Variants in VWC2L observed in about 807,000 individuals in gnomAD.
The protein encoded by VWC2L is von Willebrand factor C domain containing 2 like.
A neutral mutation model predicts 21.6 loss-of-function variants in VWC2L; 10 were observed. That is an observed-to-expected ratio of 0.46 (90% CI 0.29 to 0.78). The LOEUF (loss-of-function observed/expected upper bound fraction) is 0.78, where lower values mean the gene tolerates loss of function less well. Among genes scored for constraint, VWC2L ranks in the 30% least tolerant of loss-of-function variants. VWC2L has a pLI of 0.10. For missense variants in VWC2L, 209 were observed against 277.1 expected, an observed-to-expected ratio of 0.75 and a Z score of 1.74; for synonymous variants, 96 against 94.3, an observed-to-expected ratio of 1.02 and a Z score of -0.10.
chr2:214,434,596 T>C (rs779098040), intron 2 of VWC2L, among the ~76,000 whole-genome samples: 4 of 152,168 alleles, frequency 2.6e-5, no homozygotes, highest in South Asian at 2.1e-4. Context: ...GGGAAAGTTA[T>C]TAAACCTTTC....
At chr2:214,500,228 A>G (rs1187865215) in intron 3 of VWC2L, among the ~76,000 whole-genome samples, 1 of 152,202 alleles carries the variant, frequency 6.6e-6, no homozygotes, top group Admixed American at 6.5e-5. Flanking sequence ...ACATACTATT[A>G]TTTTTCTGCT....
intron 2 of VWC2L, among the ~76,000 whole-genome samples, chr2:214,419,471 A>G (rs562123518): frequency 6.6e-6 from 1 of 152,312 alleles, no homozygotes; most frequent in East Asian, 1.9e-4. Context: ...ATTTCCTTAT[A>G]CTTTAGAACT....
chr2:214,504,004 C>G (rs780044990), intron 3 of VWC2L, among the ~76,000 whole-genome samples: 1 of 152,114 alleles, frequency 6.6e-6, no homozygotes, highest in Non-Finnish European at 1.5e-5. Context: ...TATTTAGACA[C>G]TGGCTAAAAC....
intron 3 of VWC2L, among the ~76,000 whole-genome samples, chr2:214,459,750 G>A (rs145967729): frequency 3.3e-5 from 5 of 151,908 alleles, no homozygotes; most frequent in African/African-American, 1.2e-4. Flanking sequence ...TTCATTGCTA[G>A]TTTTTTTTCC....
chr2:214,546,614 A>G (rs1052560512), intron 3 of VWC2L, among the ~76,000 whole-genome samples: 14 of 152,232 alleles, frequency 9.2e-5, no homozygotes, highest in Admixed American at 4.6e-4. Flanking sequence ...GACAGAAAAC[A>G]CATGTATTGT....
chr2:214,438,624 CCTACA>C (rs1413063810), intron 3 of VWC2L, among the ~76,000 whole-genome samples: 2 of 152,096 alleles, frequency 1.3e-5, no homozygotes, highest in Admixed American at 6.6e-5. Flanking sequence ...TTCTAGCGAC[CCTACA>C]CTAAAGCCCA....
At chr2:214,539,562 C>G (rs1289648198) in intron 3 of VWC2L, among the ~76,000 whole-genome samples, 1 of 152,120 alleles carries the variant, frequency 6.6e-6, no homozygotes, top group Non-Finnish European at 1.5e-5. Context: ...CCGTACTTAT[C>G]CAGAAACTTT....
At chr2:214,465,206 C>A (rs923653048) in intron 3 of VWC2L, among the ~76,000 whole-genome samples, 3 of 152,172 alleles carry the variant, frequency 2.0e-5, no homozygotes, top group Non-Finnish European at 2.9e-5. Flanking sequence ...GAAGGAGTAT[C>A]TCCCCATGGT....
chr2:214,512,379 G>C (rs1401841050), intron 3 of VWC2L, among the ~76,000 whole-genome samples: 6 of 152,014 alleles, frequency 3.9e-5, no homozygotes, highest in Non-Finnish European at 8.8e-5. Context: ...TATAGAGGGG[G>C]ACAACACACA....
intron 2 of VWC2L, among the ~76,000 whole-genome samples, chr2:214,417,764 G>A (rs977927557): frequency 2.0e-5 from 3 of 151,984 alleles, no homozygotes; most frequent in Non-Finnish European, 2.9e-5. Context: ...AATAAAATGC[G>A]GATTGTTCTG....
At chr2:214,467,486 A>T (rs116332330) in intron 3 of VWC2L, among the ~76,000 whole-genome samples, 295 of 152,312 alleles carry the variant, frequency 1.9e-3, no homozygotes, top group African/African-American at 6.8e-3. Flanking sequence ...AGGGGCAATC[A>T]TAGGGCTCCA....
intron 3 of VWC2L, among the ~76,000 whole-genome samples, chr2:214,471,044 C>T (rs2126192837): frequency 6.6e-6 from 1 of 151,132 alleles, no homozygotes; most frequent in South Asian, 2.1e-4. Flanking sequence ...TACCTTTTTT[C>T]CCCATGAGTT....
intron 3 of VWC2L, among the ~76,000 whole-genome samples, chr2:214,452,862 T>C (rs888166247): frequency 2.0e-5 from 3 of 152,228 alleles, no homozygotes; most frequent in East Asian, 1.9e-4. Context: ...TTTCATATGA[T>C]ATGTTTCCAC....
intron 3 of VWC2L, among the ~76,000 whole-genome samples, chr2:214,456,159 A>C (rs553150273): frequency 6.6e-6 from 1 of 152,110 alleles, no homozygotes; most frequent in African/African-American, 2.4e-5. Context: ...TCCCATTAAC[A>C]GTGTATAAGC....
intron 3 of VWC2L, among the ~76,000 whole-genome samples, chr2:214,530,540 T>G (rs954198037): frequency 6.6e-6 from 1 of 152,134 alleles, no homozygotes; most frequent in African/African-American, 2.4e-5. Flanking sequence ...TAGGCAGACA[T>G]AGACCCCAAT....
chr2:214,491,614 G>T (rs1688746557), intron 3 of VWC2L, among the ~76,000 whole-genome samples: 1 of 152,158 alleles, frequency 6.6e-6, no homozygotes, highest in Non-Finnish European at 1.5e-5. Context: ...GCAAGGTGAA[G>T]TAACTTCCCC....
rs1702267109 is a variant in VWC2L, at chr2:214,411,397, T to C, written c.-470T>C. 2 of 152,204 alleles carry C rather than the reference T, an allele frequency of 1.3e-5. No homozygotes were observed. Among genetic ancestry groups the C allele is most frequent in the African/African-American group, 4.8e-5 (2 of 41,446 alleles). The allele number at this position is 152,204 out of a possible 1,614,324, so 9.4% of individuals were successfully genotyped here. A position where few individuals can be genotyped will look rare whatever the true frequency, so the allele number is the denominator to read the frequency against. Reference sequence around the variant, plus strand: ...CTCTACTGCCGTAGCAAACACTGTGTAAGTGAACTCATGTGTGGAGGAGGC... The same window carrying C: ...CTCTACTGCCGTAGCAAACACTGTGCAAGTGAACTCATGTGTGGAGGAGGC... On this transcript the variant is annotated 5_prime_UTR_variant, in exon 1 of 4. Coordinates refer to ENST00000312504, the MANE Select transcript of VWC2L (RefSeq NM_001080500.4).
chr2:214,465,480 T>C (rs994831130), intron 3 of VWC2L, among the ~76,000 whole-genome samples: 1 of 152,160 alleles, frequency 6.6e-6, no homozygotes, highest in East Asian at 1.9e-4. Flanking sequence ...TGGTGCCCTA[T>C]TCTACTGTGG....
chr2:214,468,177 C>T (rs1015432455), intron 3 of VWC2L, among the ~76,000 whole-genome samples: 5 of 152,004 alleles, frequency 3.3e-5, no homozygotes, highest in Admixed American at 2.0e-4. Flanking sequence ...CCACCGCACC[C>T]GGCTAATTTT....
Sources: allele counts gnomAD v4.1 joint callset (sites outside exome capture counted in the v4.1 genomes callset), GRCh38; gene constraint gnomAD v4.1.1; transcripts MANE v1.5; gene names NCBI Gene and HGNC (gene_info 2026-07-23, HGNC 2026-07-21).